Variants in RGS6 observed in about 807,000 individuals in gnomAD.
RGS6 encodes the protein regulator of G-protein signaling 6.
RGS6 carries 30 observed loss-of-function variants against 78.5 expected under a neutral mutation model. The observed-to-expected ratio is 0.38, with a 90% confidence interval of 0.29 to 0.52. RGS6 has a LOEUF of 0.52. RGS6 is among the 20% of genes least tolerant of loss of function. The pLI is 0.85. For missense variants in RGS6, 495 were observed against 609.7 expected (o/e 0.81, Z 1.98); for synonymous variants, 206 against 206.0 (o/e 1.00, Z 0.00).
chr14:72,007,209 G>C (rs149831443), intron 2 of RGS6, among the ~76,000 whole-genome samples: 1 of 151,050 alleles, frequency 6.6e-6, no homozygotes, highest in African/African-American at 2.4e-5. Context: ...AGAAACTGAA[G>C]GTAAAACTAT....
the RGS6 span, among the ~76,000 whole-genome samples, chr14:72,608,485 T>G: frequency 6.6e-6 from 1 of 152,062 alleles, no homozygotes; most frequent in African/African-American, 2.4e-5. Flanking sequence ...AAGCAATGAC[T>G]CAGCTGGCTT....
In RGS6 at chr14:72,126,591, A is replaced by C. The variant is rs191112627; in HGVS notation, c.84+161716A>C. 1.8e-4 allele frequency among the ~76,000 whole-genome samples: 27 copies of C among 152,348 alleles called. No homozygotes were observed. The East Asian group carries it at 5.0e-3, about 28-fold the overall frequency. ...AGCATTTTTGTCTCCAATGCCACTG[A>C]ATTCCTTAAGGCCTTTTGGGTGGGT... On this transcript the variant is annotated intron_variant, in intron 2 of 17. Transcript: ENST00000553525.
At chr14:72,371,018 A>C (rs1038708408) in intron 3 of RGS6, among the ~76,000 whole-genome samples, 1 of 152,230 alleles carries the variant, frequency 6.6e-6, no homozygotes, top group Non-Finnish European at 1.5e-5. Context: ...GAGCATTTCC[A>C]AAAACATTTG....
At position 72,499,577 on chromosome 14, in the gene RGS6, T is replaced by A. The variant is rs143140657; in HGVS notation, c.965+4315T>A. ...AAGTTCAGTCTATGTGCTTCGTGCC[T>A]TCCTGAAATTTCTCAAAGCTCTCAT... On this transcript the variant is annotated intron_variant, in intron 13 of 17. Coordinates refer to ENST00000553525, the MANE Select transcript of RGS6 (RefSeq NM_001204424.2). 2.6e-3 allele frequency among the ~76,000 whole-genome samples: 400 copies of A among 152,350 alleles called. No individual in the cohort carries two copies. The Middle Eastern group carries it at 0.027, about 10-fold the overall frequency.
intron 1 of RGS6, among the ~76,000 whole-genome samples, chr14:71,945,613 C>T (rs1159335518): frequency 2.6e-5 from 4 of 152,160 alleles, no homozygotes; most frequent in Admixed American, 2.6e-4. Flanking sequence ...TCATCTGACT[C>T]ATTGTCAAGA....
chr14:72,468,831 A>G (rs1022836901), intron 7 of RGS6, among the ~76,000 whole-genome samples: 4 of 152,214 alleles, frequency 2.6e-5, no homozygotes, highest in African/African-American at 9.6e-5. Flanking sequence ...GAAGAGTCAC[A>G]AAGACAGTTT....
intron 2 of RGS6, among the ~76,000 whole-genome samples, chr14:72,336,748 C>A (rs1252097769): frequency 1.3e-5 from 2 of 152,010 alleles, no homozygotes; most frequent in African/African-American, 4.8e-5. Flanking sequence ...CAATTATTAA[C>A]TACAGTTCTG....
At chr14:72,048,245 C>G (rs574179623) in intron 2 of RGS6, among the ~76,000 whole-genome samples, 1 of 152,276 alleles carries the variant, frequency 6.6e-6, no homozygotes, top group Non-Finnish European at 1.5e-5. Context: ...GCTCTTTAAA[C>G]TTGAATTTCT....
At chr14:72,137,820 T>G (rs1446381379) in intron 2 of RGS6, among the ~76,000 whole-genome samples, 1 of 152,160 alleles carries the variant, frequency 6.6e-6, no homozygotes, top group Non-Finnish European at 1.5e-5. Context: ...ACCCAGTCCT[T>G]TTGGGTTTTT....
At chr14:72,237,049 G>A (rs113681938) in intron 2 of RGS6, among the ~76,000 whole-genome samples, 5 of 152,154 alleles carry the variant, frequency 3.3e-5, no homozygotes, top group African/African-American at 9.7e-5. Flanking sequence ...TCCTAGAACT[G>A]TATACAGTTC....
At chr14:72,204,139 T>C (rs553484570) in intron 2 of RGS6, among the ~76,000 whole-genome samples, 1 of 152,318 alleles carries the variant, frequency 6.6e-6, no homozygotes, top group African/African-American at 2.4e-5. Context: ...TAACCACTTT[T>C]AGGTGTGCAA....
chr14:72,475,333 G>A (rs2096212482), intron 10 of RGS6, among the ~76,000 whole-genome samples: 2 of 149,908 alleles, frequency 1.3e-5, no homozygotes, highest in African/African-American at 2.5e-5. Flanking sequence ...CAGCATACCC[G>A]AGGGTGCCAT....
At chr14:72,362,271 T>C (rs1339435578) in intron 3 of RGS6, among the ~76,000 whole-genome samples, 1 of 152,230 alleles carries the variant, frequency 6.6e-6, no homozygotes, top group Non-Finnish European at 1.5e-5. Flanking sequence ...CAAAATGCTG[T>C]TTGAGTCCAG....
chr14:72,253,422 A>G (rs957479086), intron 2 of RGS6, among the ~76,000 whole-genome samples: 2 of 152,248 alleles, frequency 1.3e-5, no homozygotes, highest in African/African-American at 4.8e-5. Context: ...GAGACCTGCC[A>G]ACTTTTTCTT....
chr14:71,938,197 A>G (rs1370636475), intron 1 of RGS6, among the ~76,000 whole-genome samples: 2 of 152,126 alleles, frequency 1.3e-5, no homozygotes, highest in Non-Finnish European at 2.9e-5. Context: ...GTTTTTGACC[A>G]CTCAGAAAGG....
At chr14:72,107,735 T>A (rs1010825134) in intron 2 of RGS6, among the ~76,000 whole-genome samples, 3 of 152,162 alleles carry the variant, frequency 2.0e-5, no homozygotes, top group African/African-American at 7.2e-5. Flanking sequence ...TTTAACGTCT[T>A]CTGTATGGCA....
At chr14:72,410,872 T>C (rs954865041) in intron 3 of RGS6, among the ~76,000 whole-genome samples, 1 of 152,190 alleles carries the variant, frequency 6.6e-6, no homozygotes, top group African/African-American at 2.4e-5. Context: ...AAAGATCAGA[T>C]AGTTGTAGAT....
the RGS6 span, among the ~76,000 whole-genome samples, chr14:71,906,197 C>G: frequency 6.6e-6 from 1 of 152,204 alleles, no homozygotes; most frequent in Non-Finnish European, 1.5e-5. Flanking sequence ...TGTTTTAAAA[C>G]ACCCGATAAA....
At chr14:72,356,312 C>T (rs1072167) in intron 3 of RGS6, among the ~76,000 whole-genome samples, 89,265 of 151,830 alleles carry the variant, frequency 0.59, 28,315 homozygotes, top group African/African-American at 0.84. Flanking sequence ...GCACTTCCCC[C>T]TGCTCTCTCT....
Sources: allele counts gnomAD v4.1 joint callset (sites outside exome capture counted in the v4.1 genomes callset), GRCh38; gene constraint gnomAD v4.1.1; transcripts MANE v1.5; gene names NCBI Gene and HGNC (gene_info 2026-07-23, HGNC 2026-07-21).